The following PREX2 variants were observed in gnomAD, a reference collection of about 807,000 sequenced individuals.
PREX2 encodes the protein phosphatidylinositol-3,4,5-trisphosphate dependent Rac exchange factor 2.
PREX2 carries 107 observed loss-of-function variants against 203.2 expected under a neutral mutation model. The ratio of observed to expected loss-of-function variants is 0.53; its 90% CI spans 0.45 to 0.62. The LOEUF (loss-of-function observed/expected upper bound fraction) is 0.62, where lower values mean the gene tolerates loss of function less well. Among genes scored for constraint, PREX2 ranks in the 20% least tolerant of loss-of-function variants. The pLI is 0.00. For synonymous variants in PREX2, 672 were observed against 663.6 expected (o/e 1.01, Z -0.19); for missense variants, 1,777 against 1,955.9 (o/e 0.91, Z 1.72).
intron 39 of PREX2, 103 bp from the exon 40 acceptor site, chr8:68,231,230 C>T (rs543855205): frequency 7.3e-6 from 6 of 819,144 alleles, no homozygotes; most frequent in Admixed American, 7.8e-5. Flanking sequence ...TCATGACTCA[C>T]GAAACAAGAA....
At chr8:67,963,364 A>G (rs1390787305) in intron 1 of PREX2, among the ~76,000 whole-genome samples, 1 of 152,190 alleles carries the variant, frequency 6.6e-6, no homozygotes, top group South Asian at 2.1e-4. Context: ...TATTAAGACC[A>G]TGTCTTAAAG....
At chr8:68,048,818 G>A (rs192235368) in intron 8 of PREX2, among the ~76,000 whole-genome samples, 104 of 151,768 alleles carry the variant, frequency 6.9e-4, no homozygotes, top group African/African-American at 2.3e-3. Context: ...CTCAATGATC[G>A]TCATCTTTAT....
intron 18 of PREX2, 102 bp from the exon 19 acceptor site, chr8:68,087,622 C>G: frequency 1.1e-6 from 1 of 870,920 alleles, no homozygotes; most frequent in Admixed American, 1.7e-5. Flanking sequence ...ACTGTAGATC[C>G]TCAATATGTA....
At chr8:68,160,767 T>C (rs558804972) in intron 35 of PREX2, among the ~76,000 whole-genome samples, 22 of 152,302 alleles carry the variant, frequency 1.4e-4, no homozygotes, top group African/African-American at 5.1e-4. Context: ...AAATCTTTAT[T>C]CTTTGATAGA....
chr8:68,177,828 C>T (rs1190384269), intron 35 of PREX2, among the ~76,000 whole-genome samples: 1 of 152,092 alleles, frequency 6.6e-6, no homozygotes, highest in South Asian at 2.1e-4. Context: ...TTGTTCCCCC[C>T]ACCCCCTTGC....
intron 35 of PREX2, among the ~76,000 whole-genome samples, chr8:68,175,805 A>G (rs1388937768): frequency 2.6e-5 from 4 of 152,102 alleles, no homozygotes; most frequent in African/African-American, 7.2e-5. Flanking sequence ...GTATCAAAAT[A>G]TATAGTACAT....
In PREX2 at chr8:68,083,404, T is replaced by C. The variant is rs752792747; in HGVS notation, c.2027+16T>C. ...AGCCAAGAGAGTAAGTTGTATGATTTATGTGTGATTTTTTAAAAGTTATAC... is the reference window on the plus strand; with the variant it reads ...AGCCAAGAGAGTAAGTTGTATGATTCATGTGTGATTTTTTAAAAGTTATAC... On this transcript the variant is annotated intron_variant, in intron 18 of 39. Transcript: ENST00000288368. 6.4e-7 allele frequency: 1 copy of C among 1,572,936 alleles called. No homozygotes were observed. Among genetic ancestry groups the C allele is most frequent in the Admixed American group, 1.8e-5 (1 of 55,686 alleles).
intron 1 of PREX2, among the ~76,000 whole-genome samples, chr8:67,979,903 C>T (rs6997529): frequency 0.34 from 52,392 of 151,974 alleles, 9,445 homozygotes; most frequent in East Asian, 0.6. Flanking sequence ...CCTAACTCTT[C>T]CCTGGAGGAG....
At chr8:68,159,468 C>T (rs1811611075) in intron 35 of PREX2, among the ~76,000 whole-genome samples, 1 of 152,134 alleles carries the variant, frequency 6.6e-6, no homozygotes, top group Admixed American at 6.6e-5. Flanking sequence ...GCCCCAAGGC[C>T]AGCCAATCCA....
rs189290493 is a variant in PREX2 at position 68,134,447 on chromosome 8, T to A, written c.3984+171T>A. Among the ~76,000 whole-genome samples the A allele has an allele frequency of 1.4e-3, 208 of 152,320 alleles. 2 individuals carry two copies. Among genetic ancestry groups the A allele is most frequent in the African/African-American group, 4.7e-3 (195 of 41,582 alleles). On this transcript the variant is annotated intron_variant, in intron 32 of 39. Transcript: ENST00000288368. ...CTGTGGTCCTTCAAATTTTAATAAGTATGTAGAATGTATTCCTTCTTTCCT... is the reference window on the plus strand; with the variant it reads ...CTGTGGTCCTTCAAATTTTAATAAGAATGTAGAATGTATTCCTTCTTTCCT...
At chr8:67,952,723 G>T (rs1179914382) in intron 1 of PREX2, 188 bp downstream of exon 1, 6 of 771,854 alleles carry the variant, frequency 7.8e-6, no homozygotes, top group Middle Eastern at 2.8e-4. Context: ...GGATTTGTTG[G>T]TGCCCCGAGA....
At chr8:68,100,272 A>G (rs1402811620) in intron 23 of PREX2, 1 of 444,976 alleles carries the variant, frequency 2.2e-6, no homozygotes, top group East Asian at 7.0e-5. Flanking sequence ...TAAGTCATTC[A>G]TTTGACATAT....
intron 26 of PREX2, 124 bp from the exon 27 acceptor site, chr8:68,118,426 C>T (rs1005726281): frequency 1.7e-5 from 10 of 588,040 alleles, no homozygotes; most frequent in Non-Finnish European, 2.7e-5. Flanking sequence ...ACAAGTTTAT[C>T]TTTCTCATAG....
chr8:68,094,552 A>G (rs1045075285), intron 21 of PREX2, among the ~76,000 whole-genome samples: 1 of 152,238 alleles, frequency 6.6e-6, no homozygotes, highest in Non-Finnish European at 1.5e-5. Flanking sequence ...ACAGAAGCCC[A>G]TGAATCACCT....
chr8:68,105,076 A>C, intron 23 of PREX2: 1 of 1,279,736 alleles, frequency 7.8e-7, no homozygotes, highest in Non-Finnish European at 1.0e-6. Context: ...CCATTTGCAC[A>C]ATCAGGATGT....
chr8:68,053,307 G>A (rs371272141), intron 9 of PREX2, 61 bp downstream of exon 9: 6 of 1,540,962 alleles, frequency 3.9e-6, no homozygotes, highest in Non-Finnish European at 8.9e-7. Flanking sequence ...CATAGGAGCA[G>A]ATAATGGGAA....
chr8:67,958,477 TATA>T (rs1381990985), intron 1 of PREX2, among the ~76,000 whole-genome samples: 2 of 152,230 alleles, frequency 1.3e-5, no homozygotes, highest in African/African-American at 4.8e-5. Flanking sequence ...ATTACTTTAA[TATA>T]AAAATAGTAG....
intron 1 of PREX2, among the ~76,000 whole-genome samples, chr8:67,957,745 A>G (rs1805529855): frequency 6.6e-6 from 1 of 152,206 alleles, no homozygotes; most frequent in African/African-American, 2.4e-5. Context: ...CTTCCAGGCA[A>G]AGATGATTGA....
In PREX2 at chr8:68,227,015, T is replaced by G. The variant is rs76582987; in HGVS notation, c.4775+2389T>G. Among the ~76,000 whole-genome samples, 803 of 152,318 alleles carry G rather than the reference T, an allele frequency of 5.3e-3. 7 individuals are homozygous for G. Among genetic ancestry groups the G allele is most frequent in the African/African-American group, 0.018 (748 of 41,560 alleles). Reference sequence around the variant, plus strand: ...ATTCAAGTATGATGTGAAGTGAGACTGGAGATATAGGCAGAGCCAGATCAG... The same window carrying G: ...ATTCAAGTATGATGTGAAGTGAGACGGGAGATATAGGCAGAGCCAGATCAG... On this transcript the variant is annotated intron_variant, in intron 39 of 39. Coordinates refer to ENST00000288368, the MANE Select transcript of PREX2 (RefSeq NM_024870.4).
Sources: gnomAD v4.1 joint callset for allele counts (sites outside exome capture counted in the v4.1 genomes callset) on GRCh38, gnomAD v4.1.1 for gene constraint, MANE v1.5 for transcripts, NCBI Gene and HGNC (gene_info 2026-07-23, HGNC 2026-07-21) for gene names.